The following KIF1B variants were observed in gnomAD, a reference collection of about 807,000 sequenced individuals.
KIF1B encodes the protein kinesin-like protein KIF1B.
KIF1B carries 76 observed loss-of-function variants against 241.9 expected under a neutral mutation model. The ratio of observed to expected loss-of-function variants is 0.31; its 90% confidence interval spans 0.26 to 0.38. KIF1B has a LOEUF of 0.38. Ranked by LOEUF, KIF1B falls within the 10% of genes least tolerant of loss-of-function variation. The pLI is 1.00. For synonymous variants in KIF1B, 750 were observed against 796.7 expected (o/e 0.94, Z 0.99); for missense variants, 1,622 against 2,271.4 (o/e 0.71, Z 5.81).
intron 2 of KIF1B, among the ~76,000 whole-genome samples, chr1:10,247,724 C>T (rs1003597370): frequency 5.9e-5 from 9 of 152,062 alleles, no homozygotes; most frequent in Non-Finnish European, 7.4e-5. Context: ...ATAGATGGAC[C>T]TAGGGTAATG....
rs771035918 is a variant in KIF1B at position 10,336,704 on chromosome 1, A to T, written c.3091A>T (p.Thr1031Ser). The T allele has an allele frequency of 4.3e-6, 7 of 1,614,006 alleles. No individual in the cohort carries two copies. In the South Asian group the frequency reaches 6.6e-5, roughly 15 times the overall value. Residue 1031 changes from threonine to serine, a missense_variant, in exon 29 of 49, where the codon ACA becomes TCA. This residue lies in a region of KIF1B where 803 missense variants were observed against 1,112.0 expected (regional missense o/e 0.72). Transcript: ENST00000676179. ...TGGCTCTGGAATTCGACAGTCAGGA[A>T]CAGCTAAAATATCTTTTGATAATGA... ...DYGSGIRQSGTAKISFDNEYF... is the reference protein window; with the variant it reads ...DYGSGIRQSGSAKISFDNEYF...
intron 12 of KIF1B, among the ~76,000 whole-genome samples, 157 bp from the exon 13 acceptor site, chr1:10,277,829 C>G (rs1364572655): frequency 1.3e-5 from 2 of 152,112 alleles, no homozygotes; most frequent in African/African-American, 4.8e-5. Flanking sequence ...TTTTCTTCAT[C>G]TTTAATAGGT....
At chr1:10,311,859 G>A (rs1252258183) in intron 22 of KIF1B, among the ~76,000 whole-genome samples, 1 of 151,376 alleles carries the variant, frequency 6.6e-6, no homozygotes, top group African/African-American at 2.5e-5. Context: ...CTCATATATT[G>A]AGCATGTATT....
At position 10,375,332 on chromosome 1, in the gene KIF1B, C is replaced by G. The variant is rs1159514577; in HGVS notation, c.5367C>G (p.Asp1789Glu). ...LQALNDKDMN[D>E]WLYAFNPLLA... ...CCCTCAATGACAAAGACATGAACGA[C>G]TGGTTGTATGCCTTCAACCCACTTC... Residue 1789 changes from aspartate to glutamate, a missense_variant, in exon 48 of 49, where the codon GAC (aspartate) becomes GAG (glutamate). Physicochemically the swap from Asp to Glu is conservative, Grantham distance 45. Transcript: ENST00000676179. 1.9e-6 allele frequency: 3 copies of G among 1,614,136 alleles called. No individual in the cohort carries two copies. The Admixed American group carries it at 5.0e-5, about 27-fold the overall frequency.
chr1:10,361,087 G>A, intron 39 of KIF1B, 44 bp downstream of exon 39: 2 of 1,250,824 alleles, frequency 1.6e-6, no homozygotes, highest in Non-Finnish European at 2.4e-6. Context: ...AGTCAGCCCT[G>A]AACAGTGTGC....
intron 47 of KIF1B, 91 bp from the exon 48 acceptor site, chr1:10,375,164 G>A (rs1296622484): frequency 1.6e-5 from 24 of 1,470,168 alleles, no homozygotes; most frequent in Non-Finnish European, 2.3e-5. Flanking sequence ...AACTTCCTTT[G>A]TGAAGTGCTA....
Position 10,347,797 on chromosome 1 carries a change from G to A in KIF1B, c.3834G>A (p.Leu1278=), listed in dbSNP as rs1441479552. 6.2e-7 allele frequency: 1 copy of A among 1,613,434 alleles called. No homozygotes were observed. The highest frequency in any genetic ancestry group is 8.5e-7 in the Non-Finnish European group (1 of 1,179,442). ...IPAVVDHTAG[L]PCQGTFLLHQ... ...CTGTGGTTGACCACACAGCAGGCTT[G>A]CCTTGCCAGGGGACATTTTTGCTTC... The change falls in exon 36 of 49, where the codon TTG becomes TTA. Residue 1278 remains leucine, a synonymous_variant. Coordinates refer to ENST00000676179, the MANE Select transcript of KIF1B (RefSeq NM_001365951.3).
At chr1:10,334,464 G>A (rs1224679466) in intron 27 of KIF1B, 56 bp from the exon 28 acceptor site, 1 of 1,310,000 alleles carries the variant, frequency 7.6e-7, no homozygotes, top group Non-Finnish European at 1.1e-6. Context: ...GAATCTGAAA[G>A]CCAGTTTATC....
At chr1:10,348,535 C>T in intron 36 of KIF1B, 114 bp from the exon 37 acceptor site, 1 of 777,898 alleles carries the variant, frequency 1.3e-6, no homozygotes. Flanking sequence ...TCCGTCTTTC[C>T]ACACCTCTCC....
At position 10,374,858 on chromosome 1, in the gene KIF1B, G is replaced by A; in HGVS notation, c.5101G>A (p.Val1701Met). ...TTGTCATATTGTCGTTTTTAGCTCAGTGGTCTCTAAGAAAGGATACCTTCA... is the reference window on the plus strand; with the variant it reads ...TTGTCATATTGTCGTTTTTAGCTCAATGGTCTCTAAGAAAGGATACCTTCA... Reference protein sequence around the residue: ...PDIEEIRPSSVVSKKGYLHFK... With the variant: ...PDIEEIRPSSMVSKKGYLHFK... The change falls in exon 47 of 49, where the codon GTG becomes ATG. Residue 1701 changes from valine to methionine, a missense_variant. By Grantham distance (21) the Val-to-Met change is conservative. Transcript: ENST00000676179. This position sits in a 1 kb window ranked among gnomAD's most constrained non-coding sequence, Gnocchi z 4.3. The A allele has an allele frequency of 6.2e-7, 1 of 1,613,874 alleles. No individual in the cohort carries two copies. Among genetic ancestry groups the A allele is most frequent in the East Asian group, 2.2e-5 (1 of 44,884 alleles).
At chr1:10,218,818 T>C (rs1646802693) in intron 1 of KIF1B, among the ~76,000 whole-genome samples, 1 of 152,222 alleles carries the variant, frequency 6.6e-6, no homozygotes, top group Non-Finnish European at 1.5e-5. Flanking sequence ...CAGTGTTAAA[T>C]AGCAGAATAG....
At chr1:10,345,010 T>A (rs1038285674) in intron 34 of KIF1B, 2 of 152,192 alleles carry the variant, frequency 1.3e-5, no homozygotes, top group African/African-American at 4.8e-5. Flanking sequence ...CTGGGCAACA[T>A]GGCGAAACCC....
At chr1:10,313,725 T>A (rs1032862581) in intron 22 of KIF1B, among the ~76,000 whole-genome samples, 2 of 150,554 alleles carry the variant, frequency 1.3e-5, no homozygotes, top group Non-Finnish European at 2.9e-5. Flanking sequence ...TAATTTTTTG[T>A]AGTTTTAGTA....
At chr1:10,286,505 C>T (rs575007822) in intron 15 of KIF1B, among the ~76,000 whole-genome samples, 11 of 152,310 alleles carry the variant, frequency 7.2e-5, no homozygotes, top group African/African-American at 2.6e-4. Flanking sequence ...TGCTAAGCAG[C>T]CCAAGGGCCA....
intron 22 of KIF1B, chr1:10,306,834 C>CT: frequency 9.7e-7 from 1 of 1,028,508 alleles, no homozygotes; most frequent in Non-Finnish European, 1.2e-6. Context: ...CAAAAATGGG[C>CT]TCTCATTTCC....
chr1:10,242,510 G>T (rs1038803185), intron 2 of KIF1B, among the ~76,000 whole-genome samples: 1 of 152,116 alleles, frequency 6.6e-6, no homozygotes, highest in African/African-American at 2.4e-5. Context: ...GTAACAATAC[G>T]ATATTATTAA....
At chr1:10,276,897 A>G (rs1352648455) in intron 12 of KIF1B, among the ~76,000 whole-genome samples, 1 of 152,142 alleles carries the variant, frequency 6.6e-6, no homozygotes, top group East Asian at 1.9e-4. Context: ...CCTGGCCAAC[A>G]TGATGAAACC....
At chr1:10,248,188 A>T (rs549104181) in intron 2 of KIF1B, among the ~76,000 whole-genome samples, 1 of 108,942 alleles carries the variant, frequency 9.2e-6, no homozygotes, top group African/African-American at 4.1e-5. Context: ...TATTGGGTCA[A>T]TTTTGTTGTT....
At chr1:10,366,057 C>G (rs1638562307) in intron 43 of KIF1B, among the ~76,000 whole-genome samples, 1 of 151,954 alleles carries the variant, frequency 6.6e-6, no homozygotes, top group Non-Finnish European at 1.5e-5. Context: ...ATGGTGAAAC[C>G]CTGTCTCTAC....
Sources: gnomAD v4.1 joint callset for allele counts (sites outside exome capture counted in the v4.1 genomes callset) on GRCh38, gnomAD v4.1.1 for gene constraint, gnomAD v4.1.1 regional missense constraint, Gnocchi (gnomAD v3.1) non-coding constraint, MANE v1.5 for transcripts, NCBI Gene and HGNC (gene_info 2026-07-23, HGNC 2026-07-21) for gene names.